Variants in NOL4L observed in about 807,000 individuals in gnomAD.
NOL4L encodes nucleolar protein 4-like.
Under a neutral mutation model 64.5 loss-of-function variants are expected in NOL4L, and 7 were observed. The observed-to-expected ratio is 0.11, with a 90% CI of 0.06 to 0.20. The LOEUF (loss-of-function observed/expected upper bound fraction) is 0.20, where lower values mean the gene tolerates loss of function less well. NOL4L is among the 10% of genes least tolerant of loss of function. The pLI is 1.00. For synonymous variants in NOL4L, 413 were observed against 401.0 expected (o/e 1.03, Z -0.36); for missense variants, 680 against 967.1 (o/e 0.70, Z 3.94).
intron 4 of NOL4L, among the ~76,000 whole-genome samples, chr20:32,476,116 T>G (rs2015376232): frequency 6.6e-6 from 1 of 150,484 alleles, no homozygotes; most frequent in Non-Finnish European, 1.5e-5. Context: ...TCTGCCTCCC[T>G]CCCACAGGCT....
chr20:32,467,476 G>A (rs1020323729), intron 5 of NOL4L, among the ~76,000 whole-genome samples: 1 of 152,156 alleles, frequency 6.6e-6, no homozygotes, highest in African/African-American at 2.4e-5. Context: ...CTGAGAGCAG[G>A]GGTGGGGATG....
Position 32,453,994 on chromosome 20 carries a change from T to C in NOL4L, c.1120-233A>G, listed in dbSNP as rs1055741259. ...CTGGGCTGCCGCAGGGAGGACCGAC[T>C]GCAATAGTGTATGCAGAGACCTGGT... On this transcript the variant is annotated intron_variant, in intron 6 of 10. Coordinates refer to ENST00000621426, the MANE Select transcript of NOL4L (RefSeq NM_001256798.2). The surrounding 1 kb of genome is among the most constrained non-coding windows in gnomAD (Gnocchi z 5.6). 2.7e-5 allele frequency: 15 copies of C among 562,288 alleles called. No homozygotes were observed. The African/African-American group carries it at 2.8e-4, about 11-fold the overall frequency. 34.8% of individuals were successfully genotyped at this position (562,288 alleles called of 1,614,324 possible). A position where few individuals can be genotyped will look rare whatever the true frequency, so the allele number is the denominator to read the frequency against.
intron 1 of NOL4L, among the ~76,000 whole-genome samples, chr20:32,550,506 G>A (rs779641872): frequency 1.3e-5 from 2 of 152,250 alleles, no homozygotes; most frequent in Admixed American, 1.3e-4. Flanking sequence ...AGAACTTTGG[G>A]AGGGCGAGGC....
intron 1 of NOL4L, among the ~76,000 whole-genome samples, chr20:32,538,627 G>A (rs1284504379): frequency 1.3e-5 from 2 of 152,146 alleles, no homozygotes; most frequent in Non-Finnish European, 2.9e-5. Flanking sequence ...TAGGGACAGG[G>A]GCACCCCTGG....
chr20:32,495,085 C>T (rs554317536), intron 4 of NOL4L, among the ~76,000 whole-genome samples: 2 of 152,300 alleles, frequency 1.3e-5, no homozygotes, highest in South Asian at 4.1e-4. Context: ...ACCTGCTGTG[C>T]GTACTGTGGT....
intron 4 of NOL4L, among the ~76,000 whole-genome samples, chr20:32,500,902 G>A (rs751569364): frequency 6.6e-6 from 1 of 152,204 alleles, no homozygotes; most frequent in African/African-American, 2.4e-5. Context: ...ACAGCTATGA[G>A]TCTCGACTTC....
At chr20:32,452,107 A>G (rs569647093) in intron 10 of NOL4L, 129 bp downstream of exon 10, 5 of 739,386 alleles carry the variant, frequency 6.8e-6, no homozygotes, top group South Asian at 7.5e-5. Flanking sequence ...CCTGCTCCCT[A>G]TGCTGTGAGG....
At chr20:32,501,660 CT>C (rs1462612604) in intron 4 of NOL4L, among the ~76,000 whole-genome samples, 1 of 151,968 alleles carries the variant, frequency 6.6e-6, no homozygotes, top group Non-Finnish European at 1.5e-5. Context: ...AAAGTTAAAA[CT>C]GTTCTCAAAA....
intron 1 of NOL4L, among the ~76,000 whole-genome samples, chr20:32,530,303 A>G (rs1735098303): frequency 6.6e-6 from 1 of 152,332 alleles, no homozygotes; most frequent in African/African-American, 2.4e-5. Context: ...GCACTTTGGG[A>G]GGCCAAGGCG....
intron 2 of NOL4L, among the ~76,000 whole-genome samples, chr20:32,527,550 T>G (rs989379755): frequency 6.6e-6 from 1 of 151,994 alleles, no homozygotes; most frequent in Non-Finnish European, 1.5e-5. Context: ...CTGCTTTTCC[T>G]TTGTGCTCAG....
chr20:32,543,736 G>C (rs1268253124), intron 1 of NOL4L, among the ~76,000 whole-genome samples: 1 of 152,072 alleles, frequency 6.6e-6, no homozygotes, highest in Non-Finnish European at 1.5e-5. Context: ...GTTGCAGTGA[G>C]CCGAGATCTC....
At position 32,452,327 on chromosome 20, in the gene NOL4L, G is replaced by A. The variant is rs773526028; in HGVS notation, c.1731C>T (p.Asn577=). 36 of 1,610,060 alleles carry A rather than the reference G, an allele frequency of 2.2e-5. No homozygotes were observed. Among genetic ancestry groups the A allele is most frequent in the Middle Eastern group, 3.3e-4 (2 of 6,040 alleles). The change falls in exon 10 of 11, where the codon AAC becomes AAT. Residue 577 remains asparagine, a synonymous_variant. Coordinates refer to ENST00000621426, the MANE Select transcript of NOL4L (RefSeq NM_001256798.2). ...CGCGGTAACTGTAGTTGAGGCCGCC[G>A]TTGGCGTACACAGGGTCCTGGGAGT... ...SSYSQDPVYA[N]GGLNYSYRGY...
At chr20:32,449,213 T>G (rs1000383887) in intron 10 of NOL4L, among the ~76,000 whole-genome samples, 1 of 152,202 alleles carries the variant, frequency 6.6e-6, no homozygotes, top group African/African-American at 2.4e-5. Flanking sequence ...CAGGTCAGCT[T>G]CTCTGTTGTC....
chr20:32,515,806 A>G (rs2017629912), intron 3 of NOL4L, among the ~76,000 whole-genome samples: 1 of 152,232 alleles, frequency 6.6e-6, no homozygotes, highest in Admixed American at 6.5e-5. Flanking sequence ...GGAGCTAGCA[A>G]GGGTCACGGA....
At chr20:32,466,157 G>A (rs912690137) in intron 5 of NOL4L, among the ~76,000 whole-genome samples, 12 of 152,102 alleles carry the variant, frequency 7.9e-5, no homozygotes, top group African/African-American at 2.9e-4. Flanking sequence ...TAGTAGAAGT[G>A]GGGTTTTGCC....
intron 4 of NOL4L, among the ~76,000 whole-genome samples, chr20:32,506,518 G>A (rs1341374338): frequency 3.3e-5 from 5 of 152,016 alleles, no homozygotes; most frequent in Admixed American, 1.3e-4. Context: ...AAAATTAGCC[G>A]GGCGTGGTGG....
intron 2 of NOL4L, among the ~76,000 whole-genome samples, chr20:32,522,471 C>G (rs1382121729): frequency 1.3e-5 from 2 of 152,204 alleles, no homozygotes; most frequent in African/African-American, 4.8e-5. Flanking sequence ...GGCTTTTCTG[C>G]CATGCACACA....
At chr20:32,483,031 C>A (rs950359339) in intron 4 of NOL4L, among the ~76,000 whole-genome samples, 174 of 150,688 alleles carry the variant, frequency 1.2e-3, no homozygotes, top group Non-Finnish European at 2.0e-3. Flanking sequence ...GTGGGGTGCG[C>A]CCCGCGACCC....
At chr20:32,554,443 A>G (rs1299267911) in intron 1 of NOL4L, among the ~76,000 whole-genome samples, 1 of 152,086 alleles carries the variant, frequency 6.6e-6, no homozygotes. Context: ...ATGGGCAGAG[A>G]GACCCAGCAA....
Sources: gnomAD v4.1 joint callset for allele counts (sites outside exome capture counted in the v4.1 genomes callset) on GRCh38, gnomAD v4.1.1 for gene constraint, Gnocchi (gnomAD v3.1) non-coding constraint, MANE v1.5 for transcripts, NCBI Gene and HGNC (gene_info 2026-07-23, HGNC 2026-07-21) for gene names.